The following ELMO1 variants were observed in gnomAD, a reference collection of about 807,000 sequenced individuals.
The protein encoded by ELMO1 is engulfment and cell motility 1.
A neutral mutation model predicts 98.9 loss-of-function variants in ELMO1; 26 were observed. The ratio of observed to expected loss-of-function variants is 0.26; its 90% CI spans 0.19 to 0.36. The LOEUF (loss-of-function observed/expected upper bound fraction) is 0.36, where lower values mean the gene tolerates loss of function less well. ELMO1 is among the 10% of genes least tolerant of loss of function. ELMO1 has a pLI of 1.00. For synonymous variants in ELMO1, 346 were observed against 346.0 expected (o/e 1.00, Z 0.00); for missense variants, 627 against 935.2 (o/e 0.67, Z 4.30).
intron 1 of ELMO1, among the ~76,000 whole-genome samples, chr7:37,435,618 T>A (rs2131576286): frequency 6.6e-6 from 1 of 152,368 alleles, no homozygotes; most frequent in South Asian, 2.1e-4. Flanking sequence ...GACACCCTCA[T>A]CTGCCTGTCT....
At chr7:37,203,941 T>C (rs1312427890) in intron 13 of ELMO1, among the ~76,000 whole-genome samples, 1 of 151,648 alleles carries the variant, frequency 6.6e-6, no homozygotes, top group Admixed American at 6.6e-5. Flanking sequence ...CTCCGAAGAG[T>C]CAGGGATTGT....
intron 2 of ELMO1, among the ~76,000 whole-genome samples, chr7:37,326,510 G>C (rs528304001): frequency 2.1e-5 from 3 of 144,478 alleles, no homozygotes. Flanking sequence ...AGCCGAGATC[G>C]CACCACTGCA....
At chr7:36,965,446 T>A (rs1314649559) in intron 16 of ELMO1, among the ~76,000 whole-genome samples, 2 of 152,190 alleles carry the variant, frequency 1.3e-5, no homozygotes, top group Admixed American at 1.3e-4. Context: ...CGGACTCAGC[T>A]ATGGGAGAAG....
chr7:37,149,618 G>C (rs192126114), intron 13 of ELMO1, among the ~76,000 whole-genome samples: 1 of 152,266 alleles, frequency 6.6e-6, no homozygotes, highest in Admixed American at 6.5e-5. Context: ...TTTCACATCA[G>C]GGAGCAGAAT....
chr7:37,137,932 C>T (rs370923906), intron 13 of ELMO1, among the ~76,000 whole-genome samples: 9 of 152,256 alleles, frequency 5.9e-5, no homozygotes, highest in Admixed American at 1.3e-4. Flanking sequence ...CAGGAATCCA[C>T]AAAACCATGC....
chr7:36,855,582 C>T lies in ELMO1; in HGVS notation c.2153G>A (p.Ser718Asn). ...ACAGTCATAGACGAAGTCATAGTTGCTGGGCTCCTTGGGAATCGGCGGAGG... is the reference window on the plus strand; with the variant it reads ...ACAGTCATAGACGAAGTCATAGTTGTTGGGCTCCTTGGGAATCGGCGGAGG... ...DAPPPIPKEP[S>N]NYDFVYDCN Residue 718 changes from serine (S) to asparagine (N), a missense_variant, in exon 22 of 22, where the codon AGC (serine) becomes AAC (asparagine). Physicochemically the swap from Ser to Asn is conservative, Grantham distance 46. Around this residue, in one of 3 missense-constraint regions of ELMO1, gnomAD observed 492 missense variants for 715.6 expected, o/e 0.69. Transcript: ENST00000310758. The surrounding 1 kb of genome is among the most constrained non-coding windows in gnomAD (Gnocchi z 4.2). 6.2e-7 allele frequency: 1 copy of T among 1,614,160 alleles called. No homozygotes were observed. Among genetic ancestry groups the T allele is most frequent in the South Asian group, 1.1e-5 (1 of 91,086 alleles).
chr7:37,245,552 C>T (rs1794963142), intron 6 of ELMO1, among the ~76,000 whole-genome samples: 2 of 152,158 alleles, frequency 1.3e-5, no homozygotes, highest in Non-Finnish European at 2.9e-5. Context: ...GCTCCCCCTC[C>T]TTTACCTGCC....
At chr7:37,066,322 A>T (rs1158205637) in intron 15 of ELMO1, among the ~76,000 whole-genome samples, 1 of 152,182 alleles carries the variant, frequency 6.6e-6, no homozygotes, top group Non-Finnish European at 1.5e-5. Context: ...CTGGGTGTAC[A>T]GCCTTACTTC....
intron 13 of ELMO1, among the ~76,000 whole-genome samples, chr7:37,173,343 A>G (rs1049707630): frequency 6.6e-6 from 1 of 152,050 alleles, no homozygotes; most frequent in Non-Finnish European, 1.5e-5. Context: ...GGTTCCAAGA[A>G]AAAGGACCAT....
In ELMO1 at chr7:36,870,410, C is replaced by T. The variant is rs747396168; in HGVS notation, c.1888G>A (p.Ala630Thr). Residue 630 changes from alanine (A) to threonine (T), a missense_variant, in exon 20 of 22, where the codon GCC (alanine) becomes ACC (threonine). Physicochemically the swap from Ala to Thr is moderately conservative, Grantham distance 58 (BLOSUM62 0). Transcript: ENST00000310758. This position sits in a 1 kb window ranked among gnomAD's most constrained non-coding sequence, Gnocchi z 4.4. ...KDCPHMKEKG[A>T]LKQNKEVLEL... ...AATCATACCTTGTTTTGTTTAAGGGCACCTTTCTCTTTCATATGAGGGCAG... is the reference window on the plus strand; with the variant it reads ...AATCATACCTTGTTTTGTTTAAGGGTACCTTTCTCTTTCATATGAGGGCAG... 6.2e-7 allele frequency: 1 copy of T among 1,614,098 alleles called. No individual in the cohort carries two copies.
chr7:37,284,110 A>G (rs1359763248), intron 4 of ELMO1, among the ~76,000 whole-genome samples: 3 of 152,188 alleles, frequency 2.0e-5, no homozygotes, highest in South Asian at 2.1e-4. Context: ...TGGAGCAACA[A>G]TGGTCTGGTA....
chr7:37,444,285 A>C (rs116999635), intron 1 of ELMO1, among the ~76,000 whole-genome samples: 1 of 152,340 alleles, frequency 6.6e-6, no homozygotes, highest in East Asian at 1.9e-4. Context: ...TAAAATATGA[A>C]AGGAGAAGTT....
At chr7:37,302,361 A>G (rs1300532923) in intron 4 of ELMO1, among the ~76,000 whole-genome samples, 1 of 152,058 alleles carries the variant, frequency 6.6e-6, no homozygotes, top group Non-Finnish European at 1.5e-5. Context: ...AGCAGAAATG[A>G]TCCTGTAAAC....
At chr7:37,329,909 T>C (rs1455440862) in intron 2 of ELMO1, among the ~76,000 whole-genome samples, 2 of 152,380 alleles carry the variant, frequency 1.3e-5, no homozygotes, top group African/African-American at 4.8e-5. Flanking sequence ...TGTTTCTTGA[T>C]TGGGCTACTG....
At chr7:37,114,055 T>C (rs1308356125) in intron 14 of ELMO1, among the ~76,000 whole-genome samples, 3 of 152,204 alleles carry the variant, frequency 2.0e-5, no homozygotes, top group Non-Finnish European at 4.4e-5. Context: ...TAGAAGGACG[T>C]AAGGCTGGAA....
chr7:37,144,686 A>T (rs932002728), intron 13 of ELMO1, among the ~76,000 whole-genome samples: 1 of 152,160 alleles, frequency 6.6e-6, no homozygotes, highest in African/African-American at 2.4e-5. Context: ...CCCTAGAGAA[A>T]GGGGAGATGG....
intron 13 of ELMO1, among the ~76,000 whole-genome samples, chr7:37,135,515 C>T (rs1273236939): frequency 6.6e-6 from 1 of 152,174 alleles, no homozygotes; most frequent in African/African-American, 2.4e-5. Context: ...GTGCAGGTAT[C>T]AATGGCTGCA....
At chr7:36,993,843 A>G (rs1322435687) in intron 16 of ELMO1, among the ~76,000 whole-genome samples, 1 of 152,210 alleles carries the variant, frequency 6.6e-6, no homozygotes, top group East Asian at 1.9e-4. Context: ...TCCAAAATGC[A>G]TTGCCTACAA....
At chr7:37,187,359 C>G (rs1268814857) in intron 13 of ELMO1, among the ~76,000 whole-genome samples, 1 of 152,092 alleles carries the variant, frequency 6.6e-6, no homozygotes, top group Non-Finnish European at 1.5e-5. Context: ...TGAAAATGCT[C>G]TAAAATTGAC....
Sources: allele counts gnomAD v4.1 joint callset (sites outside exome capture counted in the v4.1 genomes callset), GRCh38; gene constraint gnomAD v4.1.1; regional missense constraint gnomAD v4.1.1; non-coding constraint Gnocchi (gnomAD v3.1); transcripts MANE v1.5; gene names NCBI Gene and HGNC (gene_info 2026-07-23, HGNC 2026-07-21).